DCC: variants seen among roughly 807,000 people sequenced by gnomAD.
DCC encodes the protein DCC netrin 1 receptor.
Under a neutral mutation model 172.5 loss-of-function variants are expected in DCC, and 58 were observed. The ratio of observed to expected loss-of-function variants is 0.34; its 90% CI spans 0.27 to 0.42. The LOEUF (loss-of-function observed/expected upper bound fraction) is 0.42, where lower values mean the gene tolerates loss of function less well. Among genes scored for constraint, DCC ranks in the 10% least tolerant of loss-of-function variants. The probability of loss-of-function intolerance (pLI) is 1.00; values close to 1 mark genes in which losing one functional copy is unlikely to be tolerated. For synonymous variants in DCC, 709 were observed against 644.5 expected (o/e 1.10, Z -1.52); for missense variants, 1,740 against 1,791.0 (o/e 0.97, Z 0.51).
intron 2 of DCC, among the ~76,000 whole-genome samples, chr18:52,785,000 C>A (rs1475281437): frequency 1.3e-5 from 2 of 151,412 alleles, no homozygotes; most frequent in Non-Finnish European, 2.9e-5. Context: ...TTGACTGCAG[C>A]AGATTTTATA....
chr18:52,412,353 C>T (rs181109185), intron 1 of DCC, among the ~76,000 whole-genome samples: 22 of 152,056 alleles, frequency 1.4e-4, no homozygotes, highest in Non-Finnish European at 2.5e-4. Flanking sequence ...GTAAATAAGA[C>T]ATATTTTCTG....
intron 21 of DCC, among the ~76,000 whole-genome samples, chr18:53,429,278 C>G (rs1156329138): frequency 1.8e-5 from 1 of 54,686 alleles, no homozygotes; most frequent in Non-Finnish European, 6.7e-5. Flanking sequence ...CTGCAAGAGA[C>G]CACATGCATG....
intron 25 of DCC, among the ~76,000 whole-genome samples, chr18:53,468,216 G>C (rs2045647284): frequency 6.6e-6 from 1 of 151,978 alleles, no homozygotes; most frequent in African/African-American, 2.4e-5. Context: ...CAATCAGATG[G>C]TCTGTTGGCA....
At chr18:53,328,910 C>A (rs1042194936) in intron 14 of DCC, among the ~76,000 whole-genome samples, 7 of 152,102 alleles carry the variant, frequency 4.6e-5, no homozygotes, top group African/African-American at 1.2e-4. Flanking sequence ...AATACTCAGA[C>A]CATTGGTTTT....
At chr18:52,376,507 G>A (rs577439589) in intron 1 of DCC, among the ~76,000 whole-genome samples, 35 of 151,624 alleles carry the variant, frequency 2.3e-4, no homozygotes, top group Non-Finnish European at 3.7e-4. Flanking sequence ...GTGTGTGTGT[G>A]TATATGTGTG....
chr18:52,685,494 G>A (rs1344226235), intron 1 of DCC, among the ~76,000 whole-genome samples: 1 of 152,132 alleles, frequency 6.6e-6, no homozygotes, highest in Non-Finnish European at 1.5e-5. Context: ...GGGGCCTAGT[G>A]GGAGGTGTTT....
chr18:53,380,828 A>C (rs1907672856), intron 15 of DCC, among the ~76,000 whole-genome samples: 1 of 152,142 alleles, frequency 6.6e-6, no homozygotes, highest in Admixed American at 6.6e-5. Context: ...AGTCCATTGC[A>C]AGTGTGTTTA....
intron 1 of DCC, among the ~76,000 whole-genome samples, chr18:52,749,363 C>A (rs1019931897): frequency 6.6e-6 from 1 of 152,082 alleles, no homozygotes; most frequent in African/African-American, 2.4e-5. Flanking sequence ...GGGGACCCAC[C>A]CCTGTCTGCC....
rs117480697 is a variant in DCC at position 52,846,731 on chromosome 18, T to C, written c.413-59313T>C. On this transcript the variant is annotated intron_variant, in intron 2 of 28. Coordinates refer to ENST00000442544, the MANE Select transcript of DCC (RefSeq NM_005215.4). ...GTGTGTCAGGTCTGACCCTATTCTT[T>C]TTAAACTAAGAAAAAGGAGAATGTT... 9.1e-4 allele frequency among the ~76,000 whole-genome samples: 139 copies of C among 152,058 alleles called. No individual in the cohort carries two copies. The East Asian group carries it at 0.025, about 27-fold the overall frequency.
intron 1 of DCC, among the ~76,000 whole-genome samples, chr18:52,546,338 G>A (rs942426186): frequency 6.6e-6 from 1 of 151,884 alleles, no homozygotes; most frequent in African/African-American, 2.4e-5. Flanking sequence ...ACCCTAGATT[G>A]ACAAAGAAGA....
At chr18:52,478,421 A>G (rs1598850024) in intron 1 of DCC, among the ~76,000 whole-genome samples, 1 of 152,204 alleles carries the variant, frequency 6.6e-6, no homozygotes, top group Non-Finnish European at 1.5e-5. Flanking sequence ...GGTGCATTTC[A>G]CACAAGTCTC....
At chr18:52,353,647 A>T (rs562294134) in intron 1 of DCC, among the ~76,000 whole-genome samples, 2 of 152,346 alleles carry the variant, frequency 1.3e-5, no homozygotes, top group East Asian at 3.9e-4. Flanking sequence ...ACAGGCAGAA[A>T]GCTCAGTGCA....
intron 5 of DCC, among the ~76,000 whole-genome samples, chr18:52,930,647 G>C (rs1178933573): frequency 6.6e-6 from 1 of 151,932 alleles, no homozygotes; most frequent in Non-Finnish European, 1.5e-5. Context: ...ATTAAATTAA[G>C]ATTTCATTTT....
intron 18 of DCC, among the ~76,000 whole-genome samples, chr18:53,402,110 T>C (rs1432866852): frequency 6.6e-6 from 1 of 152,212 alleles, no homozygotes; most frequent in African/African-American, 2.4e-5. Context: ...TTTTTGGCTT[T>C]TAAGGAAGTA....
intron 28 of DCC, 142 bp from the exon 29 acceptor site, chr18:53,530,422 T>C: frequency 1.4e-6 from 1 of 724,348 alleles, no homozygotes; most frequent in Non-Finnish European, 2.5e-6. Context: ...ATTCAGTGAG[T>C]ATATTCCAAG....
intron 12 of DCC, among the ~76,000 whole-genome samples, chr18:53,227,187 T>A (rs924834901): frequency 6.6e-6 from 1 of 151,666 alleles, no homozygotes; most frequent in Admixed American, 6.6e-5. Context: ...GACCTCGTGA[T>A]CTGCCACCTC....
intron 5 of DCC, among the ~76,000 whole-genome samples, chr18:52,976,866 A>G (rs1325164456): frequency 6.6e-6 from 1 of 152,204 alleles, no homozygotes; most frequent in East Asian, 1.9e-4. Flanking sequence ...TGTGAAGGGT[A>G]CACAGTTCTT....
chr18:53,086,654 G>A (rs1168711135), intron 7 of DCC, among the ~76,000 whole-genome samples: 1 of 89,448 alleles, frequency 1.1e-5, no homozygotes, highest in Admixed American at 1.0e-4. Context: ...ATAATGTGCA[G>A]GTTAGTTACA....
chr18:53,112,290 AG>A (rs1349638200), intron 7 of DCC, among the ~76,000 whole-genome samples: 5 of 151,580 alleles, frequency 3.3e-5, no homozygotes, highest in Non-Finnish European at 5.9e-5. Flanking sequence ...CTAAAAAAAA[AG>A]TCAATAACTA....
Sources: allele counts gnomAD v4.1 joint callset (sites outside exome capture counted in the v4.1 genomes callset), GRCh38; gene constraint gnomAD v4.1.1; transcripts MANE v1.5; gene names NCBI Gene and HGNC (gene_info 2026-07-23, HGNC 2026-07-21).